Variants in PCDHGA5 observed in about 807,000 individuals in gnomAD.
The protein encoded by PCDHGA5 is protocadherin gamma-A5.
Under a neutral mutation model 56.7 loss-of-function variants are expected in PCDHGA5, and 36 were observed. That is an observed-to-expected ratio of 0.64 (90% CI 0.49 to 0.84). PCDHGA5 has a LOEUF of 0.84. PCDHGA5 is among the 40% of genes least tolerant of loss of function. The pLI is 0.00. For synonymous variants in PCDHGA5, 563 were observed against 520.2 expected, an observed-to-expected ratio of 1.08 and a Z score of -1.12; for missense variants, 1,305 against 1,201.5, an observed-to-expected ratio of 1.09 and a Z score of -1.27.
intron 1 of PCDHGA5, among the ~76,000 whole-genome samples, chr5:141,464,132 G>A (rs1432411937): frequency 6.6e-6 from 1 of 152,076 alleles, no homozygotes; most frequent in Non-Finnish European, 1.5e-5. Flanking sequence ...GGGTGTGGTG[G>A]TGGGCGCCTG....
chr5:141,427,287 A>G (rs1030754713), intron 1 of PCDHGA5: 2 of 456,716 alleles, frequency 4.4e-6, no homozygotes, highest in African/African-American at 4.0e-5. Flanking sequence ...TATACTAGAA[A>G]TCCTAGATGA....
intron 1 of PCDHGA5, chr5:141,478,776 A>G (rs961079570): frequency 1.3e-6 from 2 of 1,488,690 alleles, no homozygotes; most frequent in East Asian, 2.5e-5. Flanking sequence ...TCATCTGTGG[A>G]CCTAATTCAC....
rs544860780 is a variant in PCDHGA5 at position 141,406,543 on chromosome 5, C to G, written c.2421+39792C>G. On this transcript the variant is annotated intron_variant, in intron 1 of 3. Transcript: ENST00000518069. ...AGATATTTTCTGACGAAGATTCAAA[C>G]TTCAGTTATCCACTTCCAAACCCTA... is the stretch of plus-strand genomic sequence containing the variant. Among the ~76,000 whole-genome samples, 16 of 152,288 alleles carry G rather than the reference C, an allele frequency of 1.1e-4. 1 individual carries two copies. The South Asian group carries it at 2.9e-3, about 28-fold the overall frequency.
chr5:141,375,769 C>T, intron 1 of PCDHGA5: 1 of 1,614,238 alleles, frequency 6.2e-7, no homozygotes, highest in Non-Finnish European at 8.5e-7. Flanking sequence ...CGCCCGAGAT[C>T]CTGTACCCCG....
intron 1 of PCDHGA5, chr5:141,393,430 C>A: frequency 6.2e-7 from 1 of 1,614,040 alleles, no homozygotes. Flanking sequence ...GAGGAAGAGG[C>A]TGCTCACCAC....
At chr5:141,444,471 G>A (rs929365899) in intron 1 of PCDHGA5, among the ~76,000 whole-genome samples, 1 of 151,876 alleles carries the variant, frequency 6.6e-6, no homozygotes, top group Non-Finnish European at 1.5e-5. Flanking sequence ...GCGCCCGGTC[G>A]CGTACTGGAT....
At chr5:141,409,652 A>G in intron 1 of PCDHGA5, 1 of 1,613,654 alleles carries the variant, frequency 6.2e-7, no homozygotes, top group Non-Finnish European at 8.5e-7. Flanking sequence ...TTTGGGGCTC[A>G]ATGGCCACAT....
At chr5:141,422,546 GGC>G in intron 1 of PCDHGA5, 8 of 1,613,972 alleles carry the variant, frequency 5.0e-6, no homozygotes, top group Non-Finnish European at 6.8e-6. Flanking sequence ...ACTCATGTCT[GGC>G]TGAATGTGGC....
intron 1 of PCDHGA5, chr5:141,394,953 C>T (rs749925118): frequency 6.2e-7 from 1 of 1,613,886 alleles, no homozygotes; most frequent in Non-Finnish European, 8.5e-7. Context: ...GCTTCTGGGG[C>T]TCAGGCTGAG....
At chr5:141,418,829 C>T in intron 1 of PCDHGA5, 1 of 1,613,856 alleles carries the variant, frequency 6.2e-7, no homozygotes, top group Non-Finnish European at 8.5e-7. Flanking sequence ...AGCAAAAGAC[C>T]GAGGATCTCT....
chr5:141,399,894 C>G lies in PCDHGA5; in HGVS notation c.2421+33143C>G, dbSNP rs201911174. ...GCTACCTGGTGACCAAGGTAGTGGC[C>G]GTGGACGCAGACTCAGGACACAACG... On this transcript the variant is annotated intron_variant, in intron 1 of 3. Transcript: ENST00000518069. 9.2e-4 allele frequency: 1,477 copies of G among 1,612,556 alleles called. 21 individuals carry two copies. In the South Asian group the frequency reaches 0.015, roughly 17 times the overall value.
intron 1 of PCDHGA5, chr5:141,417,960 G>T (rs2096199953): frequency 1.2e-6 from 2 of 1,613,624 alleles, no homozygotes; most frequent in African/African-American, 1.3e-5. Context: ...GAGCCGATCC[G>T]CTACTCGATT....
Position 141,453,588 on chromosome 5 carries a change from CTG to C in PCDHGA5, c.2422-41215_2422-41214del, listed in dbSNP as rs572244169. ...TTCATTAGTTTGTGGTTTATCCTCA[CTG>C]TGTTTCTTTTTGCAAAACGCAAAAA... On this transcript the variant is annotated intron_variant, in intron 1 of 3. Coordinates refer to ENST00000518069, the MANE Select transcript of PCDHGA5 (RefSeq NM_018918.3). Among the ~76,000 whole-genome samples the C allele has an allele frequency of 5.9e-5, 9 of 152,296 alleles. No individual in the cohort carries two copies. In the South Asian group the frequency reaches 1.5e-3, roughly 25 times the overall value.
In PCDHGA5 at chr5:141,419,061, A is replaced by G. The variant is rs747692559; in HGVS notation, c.2421+52310A>G. 5.0e-6 allele frequency: 8 copies of G among 1,613,964 alleles called. No homozygotes were observed. In the Admixed American group the frequency reaches 1.3e-4, roughly 27 times the overall value. ...AAGATTCATTCTTCTTCTAATAATT[A>G]CTACAAGCTAGTAACAGATGAGGCC... On this transcript the variant is annotated intron_variant, in intron 1 of 3. Transcript: ENST00000518069.
chr5:141,395,016 G>GTGCC (rs1354536790), intron 1 of PCDHGA5: 2 of 1,613,950 alleles, frequency 1.2e-6, no homozygotes, highest in Non-Finnish European at 1.7e-6. Flanking sequence ...ATTGGTAGGC[G>GTGCC]TGCCTGCCTC....
chr5:141,379,890 T>A (rs1002813574), intron 1 of PCDHGA5, among the ~76,000 whole-genome samples: 1 of 25,360 alleles, frequency 3.9e-5, no homozygotes, highest in East Asian at 2.2e-3. Context: ...TGAAAGCCTC[T>A]TTTTTTTTTT....
chr5:141,490,151 T>C lies in PCDHGA5; in HGVS notation c.2422-4656T>C, dbSNP rs1449636059. The stretch of plus-strand genomic sequence containing the variant: ...GACCCTAGCAGTGGGGCAATCCATG[T>C]GTTGGGTCCCATAGACTTTGAGGAG... On this transcript the variant is annotated intron_variant, in intron 1 of 3. Transcript: ENST00000518069. The surrounding 1 kb of genome is among the most constrained non-coding windows in gnomAD (Gnocchi z 5.4). 4 of 1,614,210 alleles carry C rather than the reference T, an allele frequency of 2.5e-6. No homozygotes were observed. The highest frequency in any genetic ancestry group is 3.4e-6 in the Non-Finnish European group (4 of 1,180,018).
At chr5:141,397,904 G>A in intron 1 of PCDHGA5, 1 of 657,312 alleles carries the variant, frequency 1.5e-6, no homozygotes, top group Non-Finnish European at 2.5e-6. Flanking sequence ...TGCAGAGCTT[G>A]GCGCTCCAGA....
chr5:141,476,483 G>T lies in PCDHGA5; in HGVS notation c.2422-18324G>T. On this transcript the variant is annotated intron_variant, in intron 1 of 3. Coordinates refer to ENST00000518069, the MANE Select transcript of PCDHGA5 (RefSeq NM_018918.3). The surrounding 1 kb of genome is among the most constrained non-coding windows in gnomAD (Gnocchi z 7.6). ...CCCGCTGGAGCTGTTCAGCGTGGAA[G>T]TGGTGATCCAGGACATCAACGACAA... 6.2e-7 allele frequency: 1 copy of T among 1,614,166 alleles called. No homozygotes were observed. The highest frequency in any genetic ancestry group is 8.5e-7 in the Non-Finnish European group (1 of 1,180,034).
Sources: allele counts gnomAD v4.1 joint callset (sites outside exome capture counted in the v4.1 genomes callset), GRCh38; gene constraint gnomAD v4.1.1; non-coding constraint Gnocchi (gnomAD v3.1); transcripts MANE v1.5; gene names NCBI Gene and HGNC (gene_info 2026-07-23, HGNC 2026-07-21).